Variants in UGT2B7 observed in about 807,000 individuals in gnomAD.
UGT2B7 encodes UDP-glucuronosyltransferase 2B7.
UGT2B7 carries 51 observed loss-of-function variants against 51.9 expected under a neutral mutation model. The ratio of observed to expected loss-of-function variants is 0.98; its 90% CI spans 0.78 to 1.24. The LOEUF is 1.24. UGT2B7 is among the 50% of genes most tolerant of loss of function. UGT2B7 has a pLI of 0.00. For missense variants in UGT2B7, 727 were observed against 628.4 expected, an observed-to-expected ratio of 1.16 and a Z score of -1.68; for synonymous variants, 225 against 211.6, an observed-to-expected ratio of 1.06 and a Z score of -0.55.
At chr4:69,111,342 T>C (rs1297697478) in intron 5 of UGT2B7, among the ~76,000 whole-genome samples, 3 of 152,162 alleles carry the variant, frequency 2.0e-5, no homozygotes, top group South Asian at 2.1e-4. Context: ...CTGACTTTAA[T>C]TGAAAAAATC....
Position 69,097,347 on chromosome 4 carries a change from GA to G in UGT2B7, c.721+108del, listed in dbSNP as rs535954378. 3.9e-4 allele frequency: 516 copies of G among 1,337,524 alleles called. 3 individuals are homozygous for G. The East Asian group carries it at 0.012, about 31-fold the overall frequency. The allele number at this position is 1,337,524 out of a possible 1,614,324, so 82.9% of individuals were successfully genotyped here. ...TCAGGGTAGTGGGGTTTTGGTAAGTGAATTTATAAAACAAAAATACAAGATG... is the reference window on the plus strand; with the variant it reads ...TCAGGGTAGTGGGGTTTTGGTAAGTGATTTATAAAACAAAAATACAAGATG... On this transcript the variant is annotated intron_variant, in intron 1 of 5. Transcript: ENST00000305231.
chr4:69,085,661 GT>G (rs917923907), intron 1 of UGT2B7, among the ~76,000 whole-genome samples: 3 of 151,486 alleles, frequency 2.0e-5, no homozygotes, highest in African/African-American at 7.3e-5. Flanking sequence ...ATGGTTTTTT[GT>G]TTTTGTTTTT....
chr4:69,074,991 T>C (rs1378439612), intron 1 of UGT2B7, among the ~76,000 whole-genome samples: 1 of 152,210 alleles, frequency 6.6e-6, no homozygotes, highest in East Asian at 1.9e-4. Context: ...GGCTAGTTTT[T>C]AGGACACCTA....
At position 69,054,677 on chromosome 4, in the gene UGT2B7, G is replaced by A. The variant is rs537704644; in HGVS notation, c.-159+3075G>A. On this transcript the variant is annotated intron_variant, in intron 1 of 5. Coordinates refer to the UGT2B7 transcript ENST00000502942. ...GTAGACTAGGAGTTGTATGTAGATA[G>A]GAGCAGCGTCACCAACCCCTGCAAA... Among the ~76,000 whole-genome samples, 8 of 151,956 alleles carry A rather than the reference G, an allele frequency of 5.3e-5. No homozygotes were observed. In the South Asian group the frequency reaches 1.7e-3, roughly 32 times the overall value.
At chr4:69,078,832 G>A (rs1013093886) in intron 1 of UGT2B7, among the ~76,000 whole-genome samples, 2 of 152,110 alleles carry the variant, frequency 1.3e-5, no homozygotes, top group Non-Finnish European at 2.9e-5. Flanking sequence ...CATGCTGTTG[G>A]TGTGTTACTG....
chr4:69,070,253 T>C (rs956206516), intron 1 of UGT2B7, among the ~76,000 whole-genome samples: 17 of 147,552 alleles, frequency 1.2e-4, no homozygotes, highest in Non-Finnish European at 1.9e-4. Flanking sequence ...TAAATTTATA[T>C]ATTTTATATA....
At chr4:69,074,438 A>ATATATG (rs886119601) in intron 1 of UGT2B7, among the ~76,000 whole-genome samples, 4 of 148,666 alleles carry the variant, frequency 2.7e-5, no homozygotes, top group Non-Finnish European at 5.9e-5. Context: ...ATATATATAT[A>ATATATG]TATATATAAA....
intron 1 of UGT2B7, among the ~76,000 whole-genome samples, chr4:69,073,234 A>G (rs1277148130): frequency 1.3e-5 from 2 of 152,096 alleles, no homozygotes; most frequent in Non-Finnish European, 2.9e-5. Flanking sequence ...CAGGTACTTG[A>G]TGCTTTACCC....
At chr4:69,107,034 G>A (rs1252970495) in intron 3 of UGT2B7, 141 bp from the exon 4 acceptor site, 3 of 885,970 alleles carry the variant, frequency 3.4e-6, no homozygotes, top group African/African-American at 3.5e-5. Flanking sequence ...AAATTAATGT[G>A]AGTATTCTAT....
chr4:69,112,848 AAG>A lies in UGT2B7; in HGVS notation c.*114_*115del. 2.5e-5 allele frequency: 35 copies of A among 1,372,968 alleles called. No homozygotes were observed. The highest frequency in any genetic ancestry group is 3.4e-5 in the Non-Finnish European group (35 of 1,043,422). 85.0% of individuals were successfully genotyped at this position (1,372,968 alleles called of 1,614,324 possible). On this transcript the variant is annotated 3_prime_UTR_variant, in exon 6 of 6. Transcript: ENST00000305231. ...TTTCTTCCTGAGACAAAAAAAAAAA[AAG>A]AAAAAAAAATCTTTTCAAAATTTAC... is the stretch of plus-strand genomic sequence containing the variant.
rs1719666044 is a variant in UGT2B7, at chr4:69,108,171, G to C, written c.1159G>C (p.Gly387Arg). ...ANGIYEAIYH[G>R]IPMVGIPLFA... Reference sequence around the variant, plus strand: ...TGGCATCTACGAGGCAATCTACCATGGGATCCCTATGGTGGGGATTCCATT... The same window carrying C: ...TGGCATCTACGAGGCAATCTACCATCGGATCCCTATGGTGGGGATTCCATT... Residue 387 changes from glycine to arginine, a missense_variant, in exon 5 of 6, where the codon GGG (glycine) becomes CGG (arginine). Physicochemically the swap from Gly to Arg is moderately radical, Grantham distance 125. Coordinates refer to ENST00000305231, the MANE Select transcript of UGT2B7 (RefSeq NM_001074.4). The C allele has an allele frequency of 4.3e-6, 7 of 1,613,630 alleles. No homozygotes were observed. The highest frequency in any genetic ancestry group is 5.9e-6 in the Non-Finnish European group (7 of 1,179,678).
chr4:69,111,402 A>G (rs895298370), intron 5 of UGT2B7, among the ~76,000 whole-genome samples: 12 of 152,172 alleles, frequency 7.9e-5, no homozygotes, highest in Non-Finnish European at 7.4e-5. Flanking sequence ...GTAATGTAGA[A>G]GCAAAGTGAC....
Position 69,107,054 on chromosome 4 carries a change from T to A in UGT2B7, c.1003-121T>A, listed in dbSNP as rs1237227370. On this transcript the variant is annotated intron_variant, in intron 3 of 5. Coordinates refer to ENST00000305231, the MANE Select transcript of UGT2B7 (RefSeq NM_001074.4). ...AATGTGAGTATTCTATTTACATTAG[T>A]CTTTGAGTAGTTCTTATTTACTAAC... 2.7e-6 allele frequency: 3 copies of A among 1,099,728 alleles called. No homozygotes were observed. The African/African-American group carries it at 4.9e-5, about 18-fold the overall frequency. 68.1% of individuals were successfully genotyped at this position (1,099,728 alleles called of 1,614,324 possible).
intron 1 of UGT2B7, among the ~76,000 whole-genome samples, chr4:69,079,479 A>G (rs1271717997): frequency 6.6e-6 from 1 of 152,222 alleles, no homozygotes; most frequent in African/African-American, 2.4e-5. Context: ...AACTTAAAGT[A>G]TAATAAAAAA....
intron 1 of UGT2B7, among the ~76,000 whole-genome samples, chr4:69,054,894 T>A (rs1266560840): frequency 6.6e-6 from 1 of 151,450 alleles, no homozygotes; most frequent in Non-Finnish European, 1.5e-5. Context: ...GTCACTGAGG[T>A]AGGAAAAAAG....
Position 69,112,783 on chromosome 4 carries a change from T to A in UGT2B7, c.*47T>A. 1 of 1,581,590 alleles carries A rather than the reference T, an allele frequency of 6.3e-7. No homozygotes were observed. Among genetic ancestry groups the A allele is most frequent in the Non-Finnish European group, 8.6e-7 (1 of 1,165,914 alleles). The stretch of plus-strand genomic sequence containing the variant: ...GGAAAACCTGATAGGTGAGACTACT[T>A]CAGTTTATTCCAGCAAGAAAGATTG... On this transcript the variant is annotated 3_prime_UTR_variant, in exon 6 of 6. Transcript: ENST00000305231.
chr4:69,096,884 A>T lies in UGT2B7; in HGVS notation c.364A>T (p.Ile122Leu). ...VQEIMSIFGDITRKFCKDVVS... is the reference protein window; with the variant it reads ...VQEIMSIFGDLTRKFCKDVVS... The stretch of plus-strand genomic sequence containing the variant: ...GGAAATCATGTCAATATTTGGTGAC[A>T]TAACTAGAAAGTTCTGTAAAGATGT... The change falls in exon 1 of 6, where the codon ATA becomes TTA. Residue 122 changes from isoleucine to leucine, a missense_variant. Coordinates refer to ENST00000305231, the MANE Select transcript of UGT2B7 (RefSeq NM_001074.4). 1 of 1,613,098 alleles carries T rather than the reference A, an allele frequency of 6.2e-7. No individual in the cohort carries two copies.
chr4:69,090,814 A>C (rs1406975105), intron 2 of UGT2B7, among the ~76,000 whole-genome samples: 1 of 152,216 alleles, frequency 6.6e-6, no homozygotes, highest in Non-Finnish European at 1.5e-5. Flanking sequence ...ATTAGTCGAC[A>C]CAGTTGCTTG....
At chr4:69,101,585 C>A (rs986624742) in intron 2 of UGT2B7, among the ~76,000 whole-genome samples, 1 of 151,902 alleles carries the variant, frequency 6.6e-6, no homozygotes, top group African/African-American at 2.4e-5. Flanking sequence ...TACCTAGATG[C>A]CCCAAGTATT....
Sources: allele counts gnomAD v4.1 joint callset (sites outside exome capture counted in the v4.1 genomes callset), GRCh38; gene constraint gnomAD v4.1.1; transcripts MANE v1.5; gene names NCBI Gene and HGNC (gene_info 2026-07-23, HGNC 2026-07-21).